The following GLRA3 variants were observed in gnomAD, a reference collection of about 807,000 sequenced individuals.
GLRA3 encodes the protein glycine receptor subunit alpha-3.
A neutral mutation model predicts 60.4 loss-of-function variants in GLRA3; 44 were observed. The ratio of observed to expected loss-of-function variants is 0.73; its 90% CI spans 0.57 to 0.94. GLRA3 has a LOEUF of 0.94. GLRA3 is among the 40% of genes least tolerant of loss of function. The pLI, the probability that GLRA3 is intolerant of heterozygous loss-of-function variation, is 0.00. For synonymous variants in GLRA3, 223 were observed against 192.9 expected (o/e 1.16, Z -1.29); for missense variants, 508 against 564.6 (o/e 0.90, Z 1.02).
At chr4:174,660,298 T>G (rs1466651959) in intron 7 of GLRA3, among the ~76,000 whole-genome samples, 1 of 152,218 alleles carries the variant, frequency 6.6e-6, no homozygotes. Flanking sequence ...GATCATGTGC[T>G]GCATTTTGTT....
At chr4:174,687,279 G>A (rs545654789) in intron 5 of GLRA3, among the ~76,000 whole-genome samples, 5 of 152,134 alleles carry the variant, frequency 3.3e-5, no homozygotes, top group African/African-American at 4.8e-5. Flanking sequence ...CTTTTATTTC[G>A]GAATGTTCTT....
At chr4:174,768,256 T>A (rs1292647663) in intron 2 of GLRA3, among the ~76,000 whole-genome samples, 1 of 152,144 alleles carries the variant, frequency 6.6e-6, no homozygotes, top group Non-Finnish European at 1.5e-5. Context: ...GAAATTAATA[T>A]CCCTTCTGTT....
chr4:174,660,951 C>T (rs1047182081), intron 7 of GLRA3, among the ~76,000 whole-genome samples: 1 of 152,140 alleles, frequency 6.6e-6, no homozygotes, highest in African/African-American at 2.4e-5. Flanking sequence ...ACAAGTCGCC[C>T]TCATTATTTG....
intron 1 of GLRA3, among the ~76,000 whole-genome samples, chr4:174,798,783 G>T (rs970759459): frequency 2.6e-5 from 4 of 152,202 alleles, no homozygotes; most frequent in African/African-American, 9.6e-5. Flanking sequence ...AATTAGCTGG[G>T]TGTGGTGGTG....
At chr4:174,762,672 AC>A (rs1288758754) in intron 3 of GLRA3, among the ~76,000 whole-genome samples, 1 of 152,146 alleles carries the variant, frequency 6.6e-6, no homozygotes, top group Non-Finnish European at 1.5e-5. Flanking sequence ...TCTGCCTGAC[AC>A]ACTTGGCGTG....
intron 2 of GLRA3, among the ~76,000 whole-genome samples, chr4:174,778,370 T>C (rs1201463031): frequency 6.6e-6 from 1 of 152,132 alleles, no homozygotes; most frequent in African/African-American, 2.4e-5. Context: ...GCTTTTACCA[T>C]GTCTCATATA....
At chr4:174,745,330 C>T (rs1561091613) in intron 3 of GLRA3, among the ~76,000 whole-genome samples, 2 of 152,158 alleles carry the variant, frequency 1.3e-5, no homozygotes, top group East Asian at 1.9e-4. Context: ...AAATGGTCTC[C>T]GTGACACTTT....
At chr4:174,727,590 T>C (rs532199158) in intron 4 of GLRA3, among the ~76,000 whole-genome samples, 1 of 152,246 alleles carries the variant, frequency 6.6e-6, no homozygotes, top group Non-Finnish European at 1.5e-5. Flanking sequence ...GAAAAACAAT[T>C]ATGGAAAATT....
At chr4:174,698,184 T>C (rs1165337823) in intron 5 of GLRA3, among the ~76,000 whole-genome samples, 1 of 152,052 alleles carries the variant, frequency 6.6e-6, no homozygotes, top group Non-Finnish European at 1.5e-5. Flanking sequence ...GGTTTTTTTA[T>C]TTTTGATATA....
At chr4:174,745,719 A>T (rs986216581) in intron 3 of GLRA3, among the ~76,000 whole-genome samples, 2 of 152,100 alleles carry the variant, frequency 1.3e-5, no homozygotes, top group African/African-American at 4.8e-5. Context: ...ATGGGAGAAA[A>T]TATTTGCAAG....
At chr4:174,729,053 C>G (rs1339664073) in intron 3 of GLRA3, among the ~76,000 whole-genome samples, 1 of 152,208 alleles carries the variant, frequency 6.6e-6, no homozygotes, top group Admixed American at 6.5e-5. Context: ...CTGATTACCA[C>G]GTAAAACAGT....
intron 1 of GLRA3, among the ~76,000 whole-genome samples, chr4:174,819,451 G>T (rs1326034936): frequency 2.6e-5 from 4 of 152,070 alleles, no homozygotes; most frequent in African/African-American, 9.7e-5. Context: ...GGAAACTGTG[G>T]CCTGTGCCAA....
chr4:174,659,148 A>G lies in GLRA3; in HGVS notation c.977T>C (p.Phe326Ser). The G allele has an allele frequency of 6.2e-7, 1 of 1,612,032 alleles. No individual in the cohort carries two copies. Among genetic ancestry groups the G allele is most frequent in the Non-Finnish European group, 8.5e-7 (1 of 1,178,370 alleles). Residue 326 changes from phenylalanine to serine, a missense_variant, in exon 8 of 10, where the codon TTT (phenylalanine) becomes TCT (serine). Phe to Ser is a radical substitution (Grantham distance 155). Coordinates refer to ENST00000274093, the MANE Select transcript of GLRA3 (RefSeq NM_006529.4). ...ATACTCCAGAAGTGCTGAAAACACA[A>G]AAAGGAGGCATACTGCCATCCAAAT... ...IDIWMAVCLL[F>S]VFSALLEYAA...
At chr4:174,737,341 C>A (rs6553814) in intron 3 of GLRA3, among the ~76,000 whole-genome samples, 44,221 of 152,012 alleles carry the variant, frequency 0.29, 6,679 homozygotes, top group African/African-American at 0.35. Context: ...CACGTAGTAG[C>A]TTGGCATTTG....
chr4:174,714,478 A>G (rs1230652662), intron 5 of GLRA3, among the ~76,000 whole-genome samples: 1 of 152,200 alleles, frequency 6.6e-6, no homozygotes, highest in Non-Finnish European at 1.5e-5. Context: ...AAAGTAATCA[A>G]TTTAAATTTT....
At chr4:174,772,341 C>G (rs6847879) in intron 2 of GLRA3, among the ~76,000 whole-genome samples, 1 of 152,018 alleles carries the variant, frequency 6.6e-6, no homozygotes, top group South Asian at 2.1e-4. Flanking sequence ...CTAAATTTCA[C>G]GTGCAAGTAA....
intron 5 of GLRA3, among the ~76,000 whole-genome samples, chr4:174,690,342 G>A (rs909286126): frequency 8.5e-5 from 13 of 152,080 alleles, no homozygotes; most frequent in African/African-American, 2.9e-4. Flanking sequence ...GCTCAATTCT[G>A]AGAGAATAAC....
rs894834851 is a variant in GLRA3, at chr4:174,746,875, C to T, written c.268-18177G>A. Reference sequence around the variant, plus strand: ...ATTAGGTTGGTGCAAAAGTAATTGTCATTACTTTTAATGGTGAAAACCGCA... The same window carrying T: ...ATTAGGTTGGTGCAAAAGTAATTGTTATTACTTTTAATGGTGAAAACCGCA... On this transcript the variant is annotated intron_variant, in intron 3 of 9. Transcript: ENST00000274093. Among the ~76,000 whole-genome samples the T allele has an allele frequency of 2.6e-5, 4 of 152,038 alleles. No individual in the cohort carries two copies. In the East Asian group the frequency reaches 7.7e-4, roughly 29 times the overall value.
At position 174,652,129 on chromosome 4, in the gene GLRA3, A is replaced by G. The variant is rs76705352; in HGVS notation, c.1116+4614T>C. Among the ~76,000 whole-genome samples the G allele has an allele frequency of 4.9e-4, 74 of 152,246 alleles. 3 individuals are homozygous for G. In the East Asian group the frequency reaches 0.013, roughly 26 times the overall value. ...AGAAGAAGCACTGAAATATTTTATT[A>G]CTAATTTTTCTGCTTTGCATTACCC... On this transcript the variant is annotated intron_variant, in intron 9 of 9. Coordinates refer to ENST00000274093, the MANE Select transcript of GLRA3 (RefSeq NM_006529.4).
Sources: gnomAD v4.1 joint callset for allele counts (sites outside exome capture counted in the v4.1 genomes callset) on GRCh38, gnomAD v4.1.1 for gene constraint, MANE v1.5 for transcripts, NCBI Gene and HGNC (gene_info 2026-07-23, HGNC 2026-07-21) for gene names.